The following DIS3L2 variants were observed in gnomAD, a reference collection of about 807,000 sequenced individuals.
DIS3L2 encodes DIS3 like 3'-5' exoribonuclease 2.
DIS3L2 carries 34 observed loss-of-function variants against 97.5 expected under a neutral mutation model. That is an observed-to-expected ratio of 0.35 (90% CI 0.27 to 0.46). The LOEUF (loss-of-function observed/expected upper bound fraction) is 0.46. DIS3L2 is among the 20% of genes least tolerant of loss of function. The probability of loss-of-function intolerance (pLI) is 1.00; values close to 1 mark genes in which losing one functional copy is unlikely to be tolerated. For synonymous variants in DIS3L2, 435 were observed against 445.2 expected, an observed-to-expected ratio of 0.98 and a Z score of 0.29; for missense variants, 1,038 against 1,146.0, an observed-to-expected ratio of 0.91 and a Z score of 1.36.
intron 1 of DIS3L2, among the ~76,000 whole-genome samples, chr2:231,986,670 C>T (rs931129488): frequency 9.9e-5 from 15 of 152,102 alleles, no homozygotes; most frequent in Non-Finnish European, 1.9e-4. Context: ...TTATTATTAT[C>T]GCCTCTTTTA....
chr2:232,237,567 C>T (rs896796825), intron 10 of DIS3L2, among the ~76,000 whole-genome samples: 1 of 151,782 alleles, frequency 6.6e-6, no homozygotes, highest in Admixed American at 6.6e-5. Flanking sequence ...AACAAACACA[C>T]AAGCCGATAG....
At chr2:232,279,497 GGTGT>G (rs1200998526) in intron 13 of DIS3L2, among the ~76,000 whole-genome samples, 3 of 131,786 alleles carry the variant, frequency 2.3e-5, no homozygotes, top group East Asian at 4.5e-4. Flanking sequence ...TTGGAGAATT[GGTGT>G]GTGTGTTTGT....
At chr2:232,209,340 A>G (rs974186032) in intron 9 of DIS3L2, among the ~76,000 whole-genome samples, 3 of 152,156 alleles carry the variant, frequency 2.0e-5, no homozygotes, top group Non-Finnish European at 4.4e-5. Context: ...CACTGCTGCC[A>G]AGGAGGTTTT....
At chr2:232,058,903 A>T (rs1480606491) in intron 5 of DIS3L2, among the ~76,000 whole-genome samples, 1 of 152,188 alleles carries the variant, frequency 6.6e-6, no homozygotes, top group Non-Finnish European at 1.5e-5. Flanking sequence ...AACATGTTTG[A>T]TTCATAAAGC....
At position 232,336,558 on chromosome 2, in the gene DIS3L2, C is replaced by T. The variant is rs747872311; in HGVS notation, c.2586C>T (p.Thr862=). 1.2e-6 allele frequency: 2 copies of T among 1,609,584 alleles called. No homozygotes were observed. The highest frequency in any genetic ancestry group is 2.7e-5 in the African/African-American group (2 of 74,898). Reference sequence around the variant, plus strand: ...GCGCCATCCTGAAGCGGCCAGGCACCCAGGGCCACCTGGGCCCTGAGAAGG... The same window carrying T: ...GCGCCATCCTGAAGCGGCCAGGCACTCAGGGCCACCTGGGCCCTGAGAAGG... The part of the protein sequence containing the change: ...KYSAILKRPG[T]QGHLGPEKEE... The change falls in exon 21 of 21, where the codon ACC becomes ACT. Residue 862 remains threonine (T), a synonymous_variant. Transcript: ENST00000325385.
At chr2:232,101,626 A>T (rs1388004660) in intron 6 of DIS3L2, among the ~76,000 whole-genome samples, 1 of 152,210 alleles carries the variant, frequency 6.6e-6, no homozygotes, top group Non-Finnish European at 1.5e-5. Context: ...CAAGATGCAG[A>T]AAAGTTATGC....
chr2:232,163,432 G>A, intron 8 of DIS3L2, 27 bp from the exon 9 acceptor site: 2 of 1,603,386 alleles, frequency 1.2e-6, no homozygotes, highest in Non-Finnish European at 1.7e-6. Context: ...TGCTAACCCA[G>A]TTATTCCGTT....
At chr2:232,211,475 G>T (rs908204848) in intron 10 of DIS3L2, among the ~76,000 whole-genome samples, 1 of 152,188 alleles carries the variant, frequency 6.6e-6, no homozygotes. Flanking sequence ...TGCCCCAGAT[G>T]TGCTGCTTCT....
At chr2:232,084,959 AT>A (rs1418986882) in intron 5 of DIS3L2, among the ~76,000 whole-genome samples, 1 of 152,174 alleles carries the variant, frequency 6.6e-6, no homozygotes, top group Non-Finnish European at 1.5e-5. Flanking sequence ...TTGTCTAGGA[AT>A]GGTTATGTTA....
intron 13 of DIS3L2, among the ~76,000 whole-genome samples, chr2:232,271,150 C>G (rs1693999138): frequency 6.6e-6 from 1 of 152,204 alleles, no homozygotes; most frequent in Admixed American, 6.5e-5. Flanking sequence ...CAGTATCTTG[C>G]TAAACTCTTG....
chr2:232,328,565 C>G (rs901994169), intron 14 of DIS3L2: 1 of 152,228 alleles, frequency 6.6e-6, no homozygotes, highest in African/African-American at 2.4e-5. Flanking sequence ...CAGCACTACT[C>G]ACACCTCCAG....
At chr2:232,077,601 A>G (rs1376451353) in intron 5 of DIS3L2, among the ~76,000 whole-genome samples, 1 of 152,292 alleles carries the variant, frequency 6.6e-6, no homozygotes, top group African/African-American at 2.4e-5. Context: ...TGAGAGTGAA[A>G]AAGTTCTTTA....
chr2:232,272,450 A>G, intron 13 of DIS3L2, among the ~76,000 whole-genome samples: 1 of 152,148 alleles, frequency 6.6e-6, no homozygotes, highest in East Asian at 1.9e-4. Context: ...GTGGGATGGG[A>G]TTAGGGAAAG....
chr2:231,983,654 G>T (rs1424748341), intron 1 of DIS3L2, among the ~76,000 whole-genome samples: 1 of 152,148 alleles, frequency 6.6e-6, no homozygotes, highest in Non-Finnish European at 1.5e-5. Flanking sequence ...ACTTTGGGAG[G>T]CCAAGGTGGG....
intron 13 of DIS3L2, among the ~76,000 whole-genome samples, chr2:232,287,266 A>G (rs1305235748): frequency 6.6e-6 from 1 of 152,074 alleles, no homozygotes; most frequent in Admixed American, 6.6e-5. Flanking sequence ...AGTTTCTTAA[A>G]TGATTTTCAA....
intron 10 of DIS3L2, among the ~76,000 whole-genome samples, chr2:232,213,865 A>G (rs529152878): frequency 2.6e-5 from 4 of 152,144 alleles, no homozygotes; most frequent in Admixed American, 2.0e-4. Context: ...AATTCAGCAA[A>G]TCACAGTGAC....
At chr2:232,216,925 C>T (rs1196046576) in intron 10 of DIS3L2, among the ~76,000 whole-genome samples, 3 of 151,278 alleles carry the variant, frequency 2.0e-5, no homozygotes, top group Non-Finnish European at 4.4e-5. Flanking sequence ...ACACTGCAAC[C>T]TCCCCCTCCT....
intron 5 of DIS3L2, among the ~76,000 whole-genome samples, chr2:232,063,229 A>G (rs1395081643): frequency 6.6e-6 from 1 of 152,126 alleles, no homozygotes; most frequent in East Asian, 1.9e-4. Flanking sequence ...TTTTCTATGT[A>G]AAGTCCTATA....
intron 6 of DIS3L2, among the ~76,000 whole-genome samples, chr2:232,099,532 G>A (rs574636235): frequency 4.8e-4 from 73 of 152,224 alleles, no homozygotes; most frequent in African/African-American, 1.7e-3. Context: ...ATTTTTATGT[G>A]TCATGTTAAA....
Sources: gnomAD v4.1 joint callset for allele counts (sites outside exome capture counted in the v4.1 genomes callset) on GRCh38, gnomAD v4.1.1 for gene constraint, MANE v1.5 for transcripts, NCBI Gene and HGNC (gene_info 2026-07-23, HGNC 2026-07-21) for gene names.